Variants in SPOCK3 observed in about 807,000 individuals in gnomAD.
SPOCK3 encodes the protein SPARC (osteonectin), cwcv and kazal like domains proteoglycan 3.
Under a neutral mutation model 56.6 loss-of-function variants are expected in SPOCK3, and 30 were observed. The observed-to-expected ratio is 0.53, with a 90% CI of 0.40 to 0.72. The LOEUF (loss-of-function observed/expected upper bound fraction) is 0.72, where lower values mean the gene tolerates loss of function less well. Ranked by LOEUF, SPOCK3 falls within the 30% of genes least tolerant of loss-of-function variation. The pLI is 0.00. For missense variants in SPOCK3, 527 were observed against 530.0 expected (o/e 0.99, Z 0.06); for synonymous variants, 196 against 183.3 (o/e 1.07, Z -0.56).
intron 7 of SPOCK3, among the ~76,000 whole-genome samples, chr4:166,774,013 AC>A (rs1268769894): frequency 2.0e-5 from 3 of 152,196 alleles, no homozygotes; most frequent in African/African-American, 7.2e-5. Flanking sequence ...GCTTTCAGTA[AC>A]AAAAAGTTGT....
chr4:166,994,460 C>T (rs962529059), intron 4 of SPOCK3, among the ~76,000 whole-genome samples: 1 of 152,008 alleles, frequency 6.6e-6, no homozygotes, highest in Admixed American at 6.6e-5. Flanking sequence ...ACATTCTGGG[C>T]TCTCTACAGA....
At chr4:167,111,386 C>A in intron 2 of SPOCK3, among the ~76,000 whole-genome samples, 1 of 151,944 alleles carries the variant, frequency 6.6e-6, no homozygotes, top group South Asian at 2.1e-4. Flanking sequence ...GAGACCTAAT[C>A]CCAGCCAAAC....
intron 7 of SPOCK3, among the ~76,000 whole-genome samples, chr4:166,767,037 C>T (rs1370793895): frequency 3.3e-4 from 50 of 151,764 alleles, no homozygotes; most frequent in African/African-American, 9.2e-4. Flanking sequence ...TGGTGATATC[C>T]CCTTTATCAT....
At chr4:167,153,340 A>G (rs2150420655) in intron 2 of SPOCK3, among the ~76,000 whole-genome samples, 1 of 152,346 alleles carries the variant, frequency 6.6e-6, no homozygotes, top group Non-Finnish European at 1.5e-5. Context: ...GGGACAGTAA[A>G]GCAGAGCAGC....
At chr4:167,094,737 C>T (rs1438246531) in intron 2 of SPOCK3, among the ~76,000 whole-genome samples, 1 of 152,116 alleles carries the variant, frequency 6.6e-6, no homozygotes, top group African/African-American at 2.4e-5. Context: ...TATGTCTTCT[C>T]TCATTACTGT....
chr4:166,980,703 T>C (rs1163454205), intron 4 of SPOCK3, among the ~76,000 whole-genome samples: 1 of 152,210 alleles, frequency 6.6e-6, no homozygotes, highest in Non-Finnish European at 1.5e-5. Context: ...ACTGGATCCA[T>C]GCAAGCCAAT....
intron 3 of SPOCK3, among the ~76,000 whole-genome samples, chr4:167,028,558 T>C (rs974892875): frequency 1.3e-5 from 2 of 152,078 alleles, no homozygotes; most frequent in African/African-American, 4.8e-5. Flanking sequence ...AGCTTGCTAT[T>C]CGTGTCTATC....
intron 3 of SPOCK3, among the ~76,000 whole-genome samples, chr4:167,016,441 C>G (rs1481246063): frequency 2.6e-5 from 4 of 151,822 alleles, no homozygotes; most frequent in Non-Finnish European, 4.4e-5. Flanking sequence ...TTCCGTTGCA[C>G]AATTAACTTT....
intron 6 of SPOCK3, among the ~76,000 whole-genome samples, chr4:166,797,477 G>A (rs1181702688): frequency 6.6e-6 from 1 of 151,592 alleles, no homozygotes; most frequent in African/African-American, 2.4e-5. Context: ...TTTAGTTTAT[G>A]ATATCCTTCC....
chr4:167,209,422 A>C (rs1030985030), intron 2 of SPOCK3, among the ~76,000 whole-genome samples: 1 of 152,142 alleles, frequency 6.6e-6, no homozygotes, highest in African/African-American at 2.4e-5. Context: ...TGATATTTCA[A>C]AGATATTTCA....
At chr4:167,138,407 T>G (rs1047688452) in intron 2 of SPOCK3, among the ~76,000 whole-genome samples, 1 of 151,920 alleles carries the variant, frequency 6.6e-6, no homozygotes, top group Non-Finnish European at 1.5e-5. Context: ...TATTGAAGAT[T>G]TATATTGTCA....
Position 166,956,701 on chromosome 4 carries a change from T to A in SPOCK3, c.350+43648A>T, listed in dbSNP as rs147553398. 7.8e-3 allele frequency among the ~76,000 whole-genome samples: 1,190 copies of A among 151,986 alleles called. 12 individuals are homozygous for A. Among genetic ancestry groups the A allele is most frequent in the African/African-American group, 0.027 (1,118 of 41,446 alleles). On this transcript the variant is annotated intron_variant, in intron 4 of 10. Coordinates refer to ENST00000357545, the MANE Select transcript of SPOCK3 (RefSeq NM_001040159.2). ...TACCGTATTACCAAAAACTGTAGAA[T>A]CTCCATATTCTCACATCTAAGCCCA...
At chr4:167,162,620 T>G (rs1329113599) in intron 2 of SPOCK3, among the ~76,000 whole-genome samples, 2 of 152,044 alleles carry the variant, frequency 1.3e-5, no homozygotes, top group Non-Finnish European at 2.9e-5. Flanking sequence ...TTATTACCTA[T>G]CACCTTTTAA....
intron 8 of SPOCK3, among the ~76,000 whole-genome samples, chr4:166,743,161 A>T (rs1276808804): frequency 6.6e-6 from 1 of 152,084 alleles, no homozygotes; most frequent in Non-Finnish European, 1.5e-5. Context: ...AGTGCATTTT[A>T]TATTCATATT....
At chr4:166,791,440 C>T (rs1217819142) in intron 7 of SPOCK3, among the ~76,000 whole-genome samples, 1 of 152,102 alleles carries the variant, frequency 6.6e-6, no homozygotes. Context: ...ACTCCTTCCC[C>T]TTTTCTTGTG....
intron 7 of SPOCK3, among the ~76,000 whole-genome samples, chr4:166,788,861 A>T (rs1432361667): frequency 6.6e-6 from 1 of 152,020 alleles, no homozygotes; most frequent in Non-Finnish European, 1.5e-5. Flanking sequence ...CATGAAAAAC[A>T]TTTTTTCATC....
chr4:166,859,004 T>C (rs1730965968), intron 6 of SPOCK3, among the ~76,000 whole-genome samples: 1 of 152,194 alleles, frequency 6.6e-6, no homozygotes, highest in African/African-American at 2.4e-5. Context: ...GGTAATGTAA[T>C]AGAGGTTGTC....
At chr4:166,815,094 T>C (rs2126739029) in intron 6 of SPOCK3, among the ~76,000 whole-genome samples, 1 of 152,236 alleles carries the variant, frequency 6.6e-6, no homozygotes, top group Non-Finnish European at 1.5e-5. Context: ...TGTATGCATA[T>C]TCATTTCTTA....
At chr4:166,773,959 T>C (rs1350297419) in intron 7 of SPOCK3, among the ~76,000 whole-genome samples, 1 of 152,192 alleles carries the variant, frequency 6.6e-6, no homozygotes, top group Non-Finnish European at 1.5e-5. Flanking sequence ...TTTTCTCCTA[T>C]CTCTGGAAGA....
Sources: gnomAD v4.1 joint callset for allele counts (sites outside exome capture counted in the v4.1 genomes callset) on GRCh38, gnomAD v4.1.1 for gene constraint, MANE v1.5 for transcripts, NCBI Gene and HGNC (gene_info 2026-07-23, HGNC 2026-07-21) for gene names.